THSD4: variants seen among roughly 807,000 people sequenced by gnomAD.
THSD4 encodes the protein thrombospondin type 1 domain containing 4, also known as thrombospondin type-1 domain-containing protein 4.
THSD4 carries 69 observed loss-of-function variants against 119.0 expected under a neutral mutation model. The ratio of observed to expected loss-of-function variants is 0.58; its 90% confidence interval spans 0.48 to 0.71. The LOEUF is 0.71. Ranked by LOEUF, THSD4 falls within the 30% of genes least tolerant of loss-of-function variation. The pLI is 0.00. For missense variants in THSD4, 1,393 were observed against 1,391.1 expected (o/e 1.00, Z -0.02); for synonymous variants, 524 against 540.4 (o/e 0.97, Z 0.42).
At chr15:71,565,889 A>G (rs1231605481) in intron 7 of THSD4, among the ~76,000 whole-genome samples, 2 of 152,220 alleles carry the variant, frequency 1.3e-5, no homozygotes, top group East Asian at 3.9e-4. Flanking sequence ...TGAGGTGCTT[A>G]GAACAAAGTA....
At chr15:71,273,263 C>T (rs769752141) in intron 6 of THSD4, among the ~76,000 whole-genome samples, 1 of 152,194 alleles carries the variant, frequency 6.6e-6, no homozygotes, top group African/African-American at 2.4e-5. Context: ...ACCTGGAGGG[C>T]GTTATGCTAT....
rs2043280318 is a variant in THSD4, at chr15:71,164,890, G to A, written c.99+9958G>A. 6.4e-6 allele frequency: 10 copies of A among 1,560,172 alleles called. No homozygotes were observed. In the South Asian group the frequency reaches 7.1e-5, roughly 11 times the overall value. ...TCTTTTTCTTGCTTTTTTCAGCCTT[G>A]ACAACTCCCTTTTTTGCTGCATCAG... On this transcript the variant is annotated intron_variant, in intron 3 of 17. Transcript: ENST00000261862.
At chr15:71,304,396 TAAGA>T (rs755806585) in intron 6 of THSD4, among the ~76,000 whole-genome samples, 18 of 151,928 alleles carry the variant, frequency 1.2e-4, no homozygotes, top group Non-Finnish European at 2.5e-4. Context: ...GCTTGGAGTT[TAAGA>T]GAGACATAAT....
intron 6 of THSD4, among the ~76,000 whole-genome samples, chr15:71,280,110 G>GCC (rs2044634660): frequency 6.6e-6 from 1 of 152,226 alleles, no homozygotes; most frequent in Non-Finnish European, 1.5e-5. Context: ...CTGGGCGTGT[G>GCC]CAGATGTAGG....
At chr15:71,444,380 C>G (rs1215669658) in intron 7 of THSD4, among the ~76,000 whole-genome samples, 8 of 152,212 alleles carry the variant, frequency 5.3e-5, no homozygotes, top group African/African-American at 1.9e-4. Context: ...CAGACTGATG[C>G]CGTCTCTTCT....
At chr15:71,735,643 T>C (rs1208898043) in intron 10 of THSD4, among the ~76,000 whole-genome samples, 2 of 151,892 alleles carry the variant, frequency 1.3e-5, no homozygotes, top group African/African-American at 4.8e-5. Context: ...TTGCTGTCTC[T>C]CTTGCTCTCT....
intron 6 of THSD4, among the ~76,000 whole-genome samples, chr15:71,340,880 G>A (rs562977815): frequency 8.7e-4 from 132 of 152,188 alleles, no homozygotes; most frequent in Non-Finnish European, 1.5e-3. Context: ...GATTACAGGC[G>A]TGAGCCACCG....
intron 7 of THSD4, among the ~76,000 whole-genome samples, chr15:71,515,675 G>A (rs2048350796): frequency 6.6e-6 from 1 of 152,176 alleles, no homozygotes; most frequent in African/African-American, 2.4e-5. Context: ...CAGCTTGTGT[G>A]GGAAAGGAAA....
chr15:71,511,790 C>T (rs1372563479), intron 7 of THSD4, among the ~76,000 whole-genome samples: 2 of 152,202 alleles, frequency 1.3e-5, no homozygotes, highest in East Asian at 1.9e-4. Context: ...TGGCGCACTG[C>T]GATTTAAAGC....
chr15:71,776,236 A>T (rs2053910299), intron 17 of THSD4, among the ~76,000 whole-genome samples: 1 of 152,236 alleles, frequency 6.6e-6, no homozygotes, highest in Non-Finnish European at 1.5e-5. Flanking sequence ...ATTACATTAA[A>T]ATTAAAAATC....
At chr15:71,727,418 A>T (rs1174637683) in intron 8 of THSD4, among the ~76,000 whole-genome samples, 2 of 151,280 alleles carry the variant, frequency 1.3e-5, no homozygotes, top group Non-Finnish European at 2.9e-5. Context: ...ATTCTGGGCC[A>T]GGTGCAGTGA....
At chr15:71,590,697 A>G (rs2049779424) in intron 7 of THSD4, among the ~76,000 whole-genome samples, 1 of 152,138 alleles carries the variant, frequency 6.6e-6, no homozygotes, top group Non-Finnish European at 1.5e-5. Flanking sequence ...CTGCACATGC[A>G]CCCTGAACTT....
intron 8 of THSD4, among the ~76,000 whole-genome samples, chr15:71,705,543 G>T (rs1351806642): frequency 1.3e-5 from 2 of 152,174 alleles, no homozygotes; most frequent in Non-Finnish European, 2.9e-5. Context: ...TGTCCTGGAG[G>T]TGTTTTAGAG....
chr15:71,589,050 G>T (rs1045894112), intron 7 of THSD4, among the ~76,000 whole-genome samples: 2 of 152,126 alleles, frequency 1.3e-5, no homozygotes, highest in Non-Finnish European at 2.9e-5. Context: ...TTCTTTTTTT[G>T]CTGGAGAGTG....
In THSD4 at chr15:71,411,808, G is replaced by A. The variant is rs375079172; in HGVS notation, c.1137G>A (p.Val379=). 8.7e-6 allele frequency: 14 copies of A among 1,614,100 alleles called. No homozygotes were observed. The highest frequency in any genetic ancestry group is 1.2e-5 in the Non-Finnish European group (14 of 1,179,986). The part of the protein sequence containing the change: ...PCDQNGTAIC[V]SGQCKSIGCD... ...ACCAGAACGGCACGGCCATCTGTGT[G>A]TCTGGGCAGTGCAAGGTAAGTGCCC... is the stretch of plus-strand genomic sequence containing the variant. Residue 379 remains valine (V), a synonymous_variant, in exon 7 of 18, where the codon GTG becomes GTA. Coordinates refer to ENST00000261862, the MANE Select transcript of THSD4 (RefSeq NM_024817.3).
chr15:71,585,598 A>T (rs969382283), intron 7 of THSD4, among the ~76,000 whole-genome samples: 3 of 152,192 alleles, frequency 2.0e-5, no homozygotes, highest in African/African-American at 7.2e-5. Context: ...CTTGGGCATC[A>T]TGGACCTGGA....
chr15:71,385,480 G>T (rs1252628101), intron 6 of THSD4, among the ~76,000 whole-genome samples: 1 of 152,214 alleles, frequency 6.6e-6, no homozygotes, highest in Non-Finnish European at 1.5e-5. Flanking sequence ...AGACTTTGGG[G>T]CTGCCACATG....
intron 7 of THSD4, among the ~76,000 whole-genome samples, chr15:71,424,436 C>T (rs1234871616): frequency 2.0e-5 from 3 of 152,004 alleles, no homozygotes; most frequent in African/African-American, 4.8e-5. Context: ...ATGTCGGCTT[C>T]GGGCTAATTA....
At chr15:71,233,915 C>T (rs2044081405) in intron 4 of THSD4, among the ~76,000 whole-genome samples, 1 of 152,204 alleles carries the variant, frequency 6.6e-6, no homozygotes, top group South Asian at 2.1e-4. Context: ...CTCCCCTCTT[C>T]CCAGGAGGTG....
Sources: allele counts gnomAD v4.1 joint callset (sites outside exome capture counted in the v4.1 genomes callset), GRCh38; gene constraint gnomAD v4.1.1; transcripts MANE v1.5; gene names NCBI Gene and HGNC (gene_info 2026-07-23, HGNC 2026-07-21).